The following PTER variants were observed in gnomAD, a reference collection of about 807,000 sequenced individuals.
The protein encoded by PTER is N-acetyltaurine hydrolase.
PTER carries 38 observed loss-of-function variants against 29.6 expected under a neutral mutation model. The ratio of observed to expected loss-of-function variants is 1.28; its 90% CI spans 0.99 to 1.68. The LOEUF is 1.68. PTER is among the 40% of genes most tolerant of loss of function. The probability of loss-of-function intolerance (pLI) is 0.00; values close to 1 mark genes in which losing one functional copy is unlikely to be tolerated. For synonymous variants in PTER, 172 were observed against 154.5 expected (o/e 1.11, Z -0.84); for missense variants, 482 against 427.8 (o/e 1.13, Z -1.12).
At chr10:16,438,938 A>AAAAG (rs1554784958) in intron 1 of PTER, among the ~76,000 whole-genome samples, 1 of 149,372 alleles carries the variant, frequency 6.7e-6, no homozygotes. Context: ...AAAAAAAAAA[A>AAAAG]GGTAAGTGGT....
chr10:16,473,911 G>A (rs1178510730), intron 1 of PTER, among the ~76,000 whole-genome samples: 1 of 152,094 alleles, frequency 6.6e-6, no homozygotes, highest in African/African-American at 2.4e-5. Flanking sequence ...ATACCTAAAA[G>A]CACTACTTAA....
rs556769522 is a variant in PTER, at chr10:16,465,169, C to T, written c.-48-19168C>T. On this transcript the variant is annotated intron_variant, in intron 1 of 4. Transcript: ENST00000535784. ...AACCATATCAGTACCTCTCTCCTGA[C>T]ATTTACTGCACTCTGCTTTGTATCG... Among the ~76,000 whole-genome samples, 10 of 152,256 alleles carry T rather than the reference C, an allele frequency of 6.6e-5. No homozygotes were observed. In the East Asian group the frequency reaches 1.9e-3, roughly 29 times the overall value.
At chr10:16,482,282 T>C (rs7099183) in intron 1 of PTER, among the ~76,000 whole-genome samples, 11,811 of 152,264 alleles carry the variant, frequency 0.078, 674 homozygotes, top group East Asian at 0.21. Context: ...TGACCTCTGA[T>C]GTTGTTTTCA....
At chr10:16,480,341 A>G (rs1206427547) in intron 1 of PTER, among the ~76,000 whole-genome samples, 1 of 151,582 alleles carries the variant, frequency 6.6e-6, no homozygotes, top group African/African-American at 2.4e-5. Flanking sequence ...GATGACAGAC[A>G]TGTGCCACCA....
chr10:16,442,698 G>T (rs1833887884), intron 1 of PTER, among the ~76,000 whole-genome samples: 1 of 152,106 alleles, frequency 6.6e-6, no homozygotes, highest in South Asian at 2.1e-4. Flanking sequence ...AGAGCCTGCA[G>T]GCCAGGCGTG....
chr10:16,501,219 C>A (rs1226833482), intron 3 of PTER, among the ~76,000 whole-genome samples: 2 of 152,046 alleles, frequency 1.3e-5, no homozygotes, highest in African/African-American at 4.8e-5. Context: ...GTGTGAGCCC[C>A]CATGCTCAGC....
At chr10:16,501,956 GTCAGCATGATGATAATGATGCT>G (rs1425706448) in intron 3 of PTER, among the ~76,000 whole-genome samples, 1 of 152,198 alleles carries the variant, frequency 6.6e-6, no homozygotes, top group Non-Finnish European at 1.5e-5. Context: ...TCTCATAATT[GTCAGCATGATGATAATGATGCT>G]AAGTGACTTT....
At chr10:16,444,536 C>T (rs1016517178) in intron 1 of PTER, among the ~76,000 whole-genome samples, 5 of 151,942 alleles carry the variant, frequency 3.3e-5, no homozygotes, top group African/African-American at 1.2e-4. Flanking sequence ...TGGCTCCTGG[C>T]ACAGGGATGC....
rs557582311 is a variant in PTER, at chr10:16,468,206, G to A, written c.-48-16131G>A. Among the ~76,000 whole-genome samples the A allele has an allele frequency of 2.6e-4, 39 of 152,264 alleles. No individual in the cohort carries two copies. The East Asian group carries it at 5.2e-3, about 20-fold the overall frequency. On this transcript the variant is annotated intron_variant, in intron 1 of 4. Coordinates refer to ENST00000535784, the MANE Select transcript of PTER (RefSeq NM_001261836.2). ...AAAATACAAAAATTAGCCGAGTGTG[G>A]TGGCAGACACCTGTAATCCTAGCTA...
chr10:16,462,951 T>C (rs1834673200), intron 1 of PTER, among the ~76,000 whole-genome samples: 1 of 149,608 alleles, frequency 6.7e-6, no homozygotes, highest in Non-Finnish European at 1.5e-5. Flanking sequence ...CCCAGCACTT[T>C]GGGAGGCCGA....
chr10:16,452,697 TCTC>T (rs1588587030), intron 1 of PTER, among the ~76,000 whole-genome samples: 1 of 151,716 alleles, frequency 6.6e-6, no homozygotes, highest in Non-Finnish European at 1.5e-5. Flanking sequence ...TCCTTCTCCT[TCTC>T]CTTCCTTTTC....
At chr10:16,463,441 C>G (rs920936262) in intron 1 of PTER, among the ~76,000 whole-genome samples, 2 of 152,078 alleles carry the variant, frequency 1.3e-5, no homozygotes, top group Non-Finnish European at 2.9e-5. Context: ...GACCAAGTCT[C>G]GCTCTTATCA....
rs193068498 is a variant in PTER, at chr10:16,450,312, C to T, written c.-49+13265C>T. On this transcript the variant is annotated intron_variant, in intron 1 of 4. Transcript: ENST00000535784. Reference sequence around the variant, plus strand: ...CCTCAGGAGAGGCCATCACTGTTGCCTCAGGTAGTGCATGGTTAATCTCCT... The same window carrying T: ...CCTCAGGAGAGGCCATCACTGTTGCTTCAGGTAGTGCATGGTTAATCTCCT... Among the ~76,000 whole-genome samples, 568 of 152,196 alleles carry T rather than the reference C, an allele frequency of 3.7e-3. 6 individuals carry two copies. Among genetic ancestry groups the T allele is most frequent in the African/African-American group, 0.013 (530 of 41,516 alleles).
intron 1 of PTER, among the ~76,000 whole-genome samples, chr10:16,452,917 A>G (rs1380554257): frequency 6.6e-6 from 1 of 151,084 alleles, no homozygotes; most frequent in African/African-American, 2.4e-5. Context: ...CACCCGGCTA[A>G]TTTTTGTACT....
chr10:16,486,430 G>T lies in PTER; in HGVS notation c.511G>T (p.Gly171Cys). ...CAAGTGTGGCATTATTGGAGAAATT[G>T]GTTGCTCCTGGCCTTTGACTGAGAG... is the stretch of plus-strand genomic sequence containing the variant. ...SIKCGIIGEIGCSWPLTESER... is the reference protein window; with the variant it reads ...SIKCGIIGEICCSWPLTESER... The change falls in exon 3 of 5, where the codon GGT becomes TGT. Residue 171 changes from glycine to cysteine, a missense_variant. By Grantham distance (159) the Gly-to-Cys change is radical. Transcript: ENST00000535784. 1 of 1,613,996 alleles carries T rather than the reference G, an allele frequency of 6.2e-7. No individual in the cohort carries two copies. Among genetic ancestry groups the T allele is most frequent in the Non-Finnish European group, 8.5e-7 (1 of 1,179,954 alleles).
At chr10:16,450,444 A>G (rs185063083) in intron 1 of PTER, among the ~76,000 whole-genome samples, 2 of 152,330 alleles carry the variant, frequency 1.3e-5, no homozygotes, top group East Asian at 1.9e-4. Flanking sequence ...AAAAAGGCTC[A>G]TAAGAGTTTA....
At chr10:16,439,000 C>G (rs961119846) in intron 1 of PTER, among the ~76,000 whole-genome samples, 1 of 151,092 alleles carries the variant, frequency 6.6e-6, no homozygotes, top group African/African-American at 2.4e-5. Flanking sequence ...GGATAAGATC[C>G]TGATTTTACC....
intron 1 of PTER, among the ~76,000 whole-genome samples, chr10:16,456,428 A>G (rs981100830): frequency 3.3e-5 from 5 of 152,196 alleles, no homozygotes; most frequent in African/African-American, 1.2e-4. Flanking sequence ...CAGTCTCCGC[A>G]GTGTGCATCA....
chr10:16,449,001 T>C (rs1834109629), intron 1 of PTER, among the ~76,000 whole-genome samples: 1 of 152,194 alleles, frequency 6.6e-6, no homozygotes, highest in Non-Finnish European at 1.5e-5. Flanking sequence ...CTTACAATAA[T>C]CCACTGTCAT....
Sources: allele counts gnomAD v4.1 joint callset (sites outside exome capture counted in the v4.1 genomes callset), GRCh38; gene constraint gnomAD v4.1.1; transcripts MANE v1.5; gene names NCBI Gene and HGNC (gene_info 2026-07-23, HGNC 2026-07-21).